TSHZ1: variants seen among roughly 807,000 people sequenced by gnomAD.
TSHZ1 encodes teashirt homolog 1.
TSHZ1 carries 12 observed loss-of-function variants against 67.1 expected under a neutral mutation model. That is an observed-to-expected ratio of 0.18 (90% CI 0.11 to 0.29). TSHZ1 has a LOEUF of 0.29. Among genes scored for constraint, TSHZ1 ranks in the 10% least tolerant of loss-of-function variants. TSHZ1 has a pLI of 1.00. For synonymous variants in TSHZ1, 632 were observed against 622.4 expected, an observed-to-expected ratio of 1.02 and a Z score of -0.23; for missense variants, 1,305 against 1,413.9, an observed-to-expected ratio of 0.92 and a Z score of 1.23.
intron 1 of TSHZ1, among the ~76,000 whole-genome samples, chr18:75,213,721 A>G (rs1318700029): frequency 6.6e-6 from 1 of 152,238 alleles, no homozygotes; most frequent in Non-Finnish European, 1.5e-5. Context: ...CAAGCCGTCA[A>G]GGCGACTTTT....
At chr18:75,228,500 G>A (rs1180723771) in intron 1 of TSHZ1, among the ~76,000 whole-genome samples, 7 of 152,136 alleles carry the variant, frequency 4.6e-5, no homozygotes, top group African/African-American at 7.2e-5. Flanking sequence ...TACAGATAGC[G>A]GCCATTTATA....
chr18:75,286,920 G>A lies in TSHZ1; in HGVS notation c.1513G>A (p.Glu505Lys). The change falls in exon 2 of 2, where the codon GAG (glutamate) becomes AAG (lysine). Residue 505 changes from glutamate to lysine, a missense_variant. Around this residue, in one of 3 missense-constraint regions of TSHZ1, gnomAD observed 909 missense variants for 961.8 expected, o/e 0.95. Transcript: ENST00000580243. This position sits in a 1 kb window ranked among gnomAD's most constrained non-coding sequence, Gnocchi z 5.1. The part of the protein sequence containing the change: ...TSEEKKEPEK[E>K]KPPVAGDAEK... ...TGAAGAAAAGAAAGAGCCAGAGAAG[G>A]AGAAGCCGCCTGTGGCTGGCGACGC... The A allele has an allele frequency of 1.2e-6, 2 of 1,614,192 alleles. No homozygotes were observed. Among genetic ancestry groups the A allele is most frequent in the Non-Finnish European group, 1.7e-6 (2 of 1,180,020 alleles).
intron 1 of TSHZ1, among the ~76,000 whole-genome samples, chr18:75,225,849 G>C (rs1004442932): frequency 6.6e-6 from 1 of 152,160 alleles, no homozygotes; most frequent in Non-Finnish European, 1.5e-5. Flanking sequence ...TGGATGGGTT[G>C]CTTAGAACGG....
chr18:75,288,676 C>G lies in TSHZ1; in HGVS notation c.*35C>G, dbSNP rs771099939. 6 of 1,536,672 alleles carry G rather than the reference C, an allele frequency of 3.9e-6. No homozygotes were observed. The highest frequency in any genetic ancestry group is 5.2e-6 in the Non-Finnish European group (6 of 1,143,378). On this transcript the variant is annotated 3_prime_UTR_variant, in exon 2 of 2. Transcript: ENST00000580243. This position sits in a 1 kb window ranked among gnomAD's most constrained non-coding sequence, Gnocchi z 4.9. ...ATGCAAGAGACCGCGGAACATTGCACTAAACGTCGTCGAGCTGCACTAGGC... is the reference window on the plus strand; with the variant it reads ...ATGCAAGAGACCGCGGAACATTGCAGTAAACGTCGTCGAGCTGCACTAGGC...
intron 1 of TSHZ1, among the ~76,000 whole-genome samples, chr18:75,277,072 C>T (rs186193227): frequency 7.7e-4 from 117 of 152,308 alleles, no homozygotes; most frequent in Admixed American, 2.3e-3. Context: ...CTTTGGCAGA[C>T]GCTCTAATCA....
chr18:75,249,514 TCACC>T (rs1568360082), intron 1 of TSHZ1, among the ~76,000 whole-genome samples: 1 of 151,602 alleles, frequency 6.6e-6, no homozygotes. Context: ...CCTTCTCATC[TCACC>T]CCTGAAGTAG....
chr18:75,213,905 C>CT (rs2022732201), intron 1 of TSHZ1, among the ~76,000 whole-genome samples: 2 of 152,122 alleles, frequency 1.3e-5, no homozygotes, highest in Admixed American at 1.3e-4. Flanking sequence ...ACTGAGTCAT[C>CT]TGCTGTACAG....
chr18:75,244,801 G>A (rs1341259818), intron 1 of TSHZ1, among the ~76,000 whole-genome samples: 1 of 152,234 alleles, frequency 6.6e-6, no homozygotes, highest in East Asian at 1.9e-4. Flanking sequence ...ACTTGAGACA[G>A]TGGATAATAG....
intron 1 of TSHZ1, among the ~76,000 whole-genome samples, chr18:75,217,725 G>A (rs1375350302): frequency 3.3e-5 from 5 of 152,152 alleles, no homozygotes; most frequent in African/African-American, 9.7e-5. Context: ...CCTGCATGGC[G>A]TGTCACGAAG....
intron 1 of TSHZ1, among the ~76,000 whole-genome samples, chr18:75,273,959 G>A (rs548244436): frequency 1.2e-4 from 18 of 152,256 alleles, no homozygotes; most frequent in African/African-American, 3.6e-4. Flanking sequence ...GCGCACACGC[G>A]TGCACTCTCG....
In TSHZ1 at chr18:75,270,930, A is replaced by G. The variant is rs566542571; in HGVS notation, c.41-14518A>G. On this transcript the variant is annotated intron_variant, in intron 1 of 1. Transcript: ENST00000580243. ...CAGAACCAAAGGAGGCCGAAGGGAA[A>G]GAGAGAACCACGGAAATGAAGTTAA... Among the ~76,000 whole-genome samples the G allele has an allele frequency of 2.0e-5, 3 of 152,360 alleles. No individual in the cohort carries two copies. The South Asian group carries it at 6.2e-4, about 32-fold the overall frequency.
At chr18:75,223,375 T>C (rs2122522263) in intron 1 of TSHZ1, among the ~76,000 whole-genome samples, 1 of 152,300 alleles carries the variant, frequency 6.6e-6, no homozygotes, top group African/African-American at 2.4e-5. Flanking sequence ...TCTTTGTATT[T>C]TGATGTCAGG....
chr18:75,234,127 T>C (rs2023035353), intron 1 of TSHZ1, among the ~76,000 whole-genome samples: 1 of 152,098 alleles, frequency 6.6e-6, no homozygotes, highest in African/African-American at 2.4e-5. Context: ...ATTCTGCAAG[T>C]GTGGGGGAAT....
At chr18:75,216,432 A>C (rs376777825) in intron 1 of TSHZ1, among the ~76,000 whole-genome samples, 57 of 152,200 alleles carry the variant, frequency 3.7e-4, no homozygotes, top group African/African-American at 1.2e-3. Context: ...AATAGAAGTG[A>C]AACTGGATCT....
intron 1 of TSHZ1, among the ~76,000 whole-genome samples, chr18:75,227,514 AAGTC>A (rs2022941945): frequency 6.6e-6 from 1 of 152,266 alleles, no homozygotes. Context: ...AGGAAAAAAA[AAGTC>A]AGCCAGAGGA....
In TSHZ1 at chr18:75,279,817, T is replaced by C. The variant is rs563774593; in HGVS notation, c.41-5631T>C. 2.0e-5 allele frequency among the ~76,000 whole-genome samples: 3 copies of C among 152,352 alleles called. No individual in the cohort carries two copies. In the South Asian group the frequency reaches 6.2e-4, roughly 32 times the overall value. ...CCCTGCCATTCTCCGTGCTCCCCAG[T>C]TCTCGGGATCTGACTGCTGGCTGTG... On this transcript the variant is annotated intron_variant, in intron 1 of 1. Coordinates refer to ENST00000580243, the MANE Select transcript of TSHZ1 (RefSeq NM_001308210.2).
rs1288894313 is a variant in TSHZ1 at position 75,256,415 on chromosome 18, G to GGT, written c.41-29028_41-29027dup. Among the ~76,000 whole-genome samples the GGT allele has an allele frequency of 2.0e-5, 3 of 152,224 alleles. No homozygotes were observed. The East Asian group carries it at 5.8e-4, about 29-fold the overall frequency. ...TGAACCACATGACCCATGGTAGAGG[G>GGT]GTGTGTATAGTTATTCTGAAGCCTA... On this transcript the variant is annotated intron_variant, in intron 1 of 1. Coordinates refer to ENST00000580243, the MANE Select transcript of TSHZ1 (RefSeq NM_001308210.2).
rs1045053350 is a variant in TSHZ1, at chr18:75,281,438, C to G, written c.41-4010C>G. ...CACAACGTAGGTGTGATGTGGAGCA[C>G]CCGTGTCACATTAGATCTGTGGCAG... is the stretch of plus-strand genomic sequence containing the variant. On this transcript the variant is annotated intron_variant, in intron 1 of 1. Transcript: ENST00000580243. The surrounding 1 kb of genome is among the most constrained non-coding windows in gnomAD (Gnocchi z 5.3). Among the ~76,000 whole-genome samples, 5 of 152,130 alleles carry G rather than the reference C, an allele frequency of 3.3e-5. No homozygotes were observed. The highest frequency in any genetic ancestry group is 1.3e-4 in the Admixed American group (2 of 15,280).
chr18:75,224,033 G>C (rs1296082119), intron 1 of TSHZ1, among the ~76,000 whole-genome samples: 1 of 135,470 alleles, frequency 7.4e-6, no homozygotes. Context: ...AGATGGCAAA[G>C]GTTTTGAAAG....
Sources: allele counts gnomAD v4.1 joint callset (sites outside exome capture counted in the v4.1 genomes callset), GRCh38; gene constraint gnomAD v4.1.1; regional missense constraint gnomAD v4.1.1; non-coding constraint Gnocchi (gnomAD v3.1); transcripts MANE v1.5; gene names NCBI Gene and HGNC (gene_info 2026-07-23, HGNC 2026-07-21).